LHX3: variants seen among roughly 807,000 people sequenced by gnomAD.
LHX3 encodes LIM homeobox 3.
A neutral mutation model predicts 32.4 loss-of-function variants in LHX3; 21 were observed. That is an observed-to-expected ratio of 0.65 (90% CI 0.46 to 0.93). The LOEUF is 0.93. Ranked by LOEUF, LHX3 falls within the 40% of genes least tolerant of loss-of-function variation. The pLI, the probability that LHX3 is intolerant of heterozygous loss-of-function variation, is 0.00. For synonymous variants in LHX3, 258 were observed against 246.8 expected (o/e 1.05, Z -0.43); for missense variants, 626 against 560.0 (o/e 1.12, Z -1.19).
Position 136,197,427 on chromosome 9 carries a change from G to A in LHX3, c.1092C>T (p.Asn364=), listed in dbSNP as rs886063702. ...GPPPMRVLAG[N]GPSSDLSTGS... ...CCGTGGATAGGTCAGAACTGGGTCC[G>A]TTCCCTGCCAGCACCCTCATGGGTG... The change falls in exon 6 of 6, where the codon AAC becomes AAT. Residue 364 remains asparagine (N), a synonymous_variant. Coordinates refer to ENST00000371748, the MANE Select transcript of LHX3 (RefSeq NM_178138.6). 1.0e-5 allele frequency: 16 copies of A among 1,599,248 alleles called. No individual in the cohort carries two copies. The highest frequency in any genetic ancestry group is 2.2e-5 in the South Asian group (2 of 88,976).
rs1029643306 is a variant in LHX3, at chr9:136,198,898, G to A, written c.606+10C>T. 1 of 1,588,476 alleles carries A rather than the reference G, an allele frequency of 6.3e-7. No homozygotes were observed. The highest frequency in any genetic ancestry group is 8.5e-7 in the Non-Finnish European group (1 of 1,172,038). On this transcript the variant is annotated intron_variant, in intron 4 of 5. Transcript: ENST00000371748. ...CCGCGGGCGGGAGGGAAGCAGGGGCGAGCGCTGACCTGCACCACGCGCATG... is the reference window on the plus strand; with the variant it reads ...CCGCGGGCGGGAGGGAAGCAGGGGCAAGCGCTGACCTGCACCACGCGCATG...
In LHX3 at chr9:136,199,600, C is replaced by G. The variant is rs1011822244; in HGVS notation, c.454+78G>C. ...TGAGCGCTTGGGGAGAGAATTTCCCCGGACGCCCCCCTGGGCGTGGCCTCA... is the reference window on the plus strand; with the variant it reads ...TGAGCGCTTGGGGAGAGAATTTCCCGGGACGCCCCCCTGGGCGTGGCCTCA... On this transcript the variant is annotated intron_variant, in intron 3 of 5. Coordinates refer to ENST00000371748, the MANE Select transcript of LHX3 (RefSeq NM_178138.6). The G allele has an allele frequency of 1.4e-5, 21 of 1,483,420 alleles. No individual in the cohort carries two copies. In the African/African-American group the frequency reaches 2.3e-4, roughly 17 times the overall value. The allele number at this position is 1,483,420 out of a possible 1,614,324, so 91.9% of individuals were successfully genotyped here.
At chr9:136,204,836 G>A in intron 1 of LHX3, 98 bp downstream of exon 1, 1 of 978,186 alleles carries the variant, frequency 1.0e-6, no homozygotes, top group South Asian at 1.4e-5. Context: ...CAGAGCGGCG[G>A]GACTTTCTTT....
chr9:136,199,137 C>G (rs1171927084), intron 3 of LHX3, 78 bp from the exon 4 acceptor site: 1 of 842,712 alleles, frequency 1.2e-6, no homozygotes, highest in Non-Finnish European at 1.6e-6. Flanking sequence ...CCCCGGCCGG[C>G]GCGGGGACGT....
Position 136,205,080 on chromosome 9 carries a change from G to A in LHX3, c.-68C>T. The A allele has an allele frequency of 7.4e-7, 1 of 1,348,710 alleles. No homozygotes were observed. Among genetic ancestry groups the A allele is most frequent in the Non-Finnish European group, 1.0e-6 (1 of 988,570 alleles). 83.5% of individuals were successfully genotyped at this position (1,348,710 alleles called of 1,614,324 possible). ...GTCAGCGTCCCCTGGAGGGTTCGGG[G>A]CTCCCAAGTCCCGCCGCGTCGTGCG... On this transcript the variant is annotated 5_prime_UTR_variant, in exon 1 of 6. Coordinates refer to ENST00000371748, the MANE Select transcript of LHX3 (RefSeq NM_178138.6).
Position 136,205,067 on chromosome 9 carries a change from T to A in LHX3, c.-55A>T. 1 of 1,461,070 alleles carries A rather than the reference T, an allele frequency of 6.8e-7. No individual in the cohort carries two copies. The highest frequency in any genetic ancestry group is 9.3e-7 in the Non-Finnish European group (1 of 1,080,910). 90.5% of individuals were successfully genotyped at this position (1,461,070 alleles called of 1,614,324 possible). A position where few individuals can be genotyped will look rare whatever the true frequency, so the allele number is the denominator to read the frequency against. The stretch of plus-strand genomic sequence containing the variant: ...GCGCTCCTCCTAGGTCAGCGTCCCC[T>A]GGAGGGTTCGGGGCTCCCAAGTCCC... On this transcript the variant is annotated 5_prime_UTR_variant, in exon 1 of 6. Transcript: ENST00000371748.
At chr9:136,197,872 A>AGC in intron 5 of LHX3, 129 bp from the exon 6 acceptor site, 1 of 975,194 alleles carries the variant, frequency 1.0e-6, no homozygotes, top group Non-Finnish European at 1.6e-6. Context: ...GACAGGTCAT[A>AGC]ACAGGCCCCT....
intron 1 of LHX3, among the ~76,000 whole-genome samples, chr9:136,202,214 A>C (rs980183644): frequency 6.6e-6 from 1 of 151,918 alleles, no homozygotes; most frequent in African/African-American, 2.4e-5. Flanking sequence ...AAATAAATAA[A>C]TAAGTAGGGA....
Position 136,204,948 on chromosome 9 carries a change from AAGGTGC to A in LHX3, c.59_64del (p.Cys20_Thr21del). The A allele has an allele frequency of 6.2e-7, 1 of 1,602,332 alleles. No individual in the cohort carries two copies. Among genetic ancestry groups the A allele is most frequent in the South Asian group, 1.1e-5 (1 of 89,654 alleles). On this transcript the variant is annotated inframe_deletion, in exon 1 of 6. Coordinates refer to ENST00000371748, the MANE Select transcript of LHX3 (RefSeq NM_178138.6). ...CTGGGGCTTACCCCGAGTCCCGCCC[AAGGTGC>A]AGACGGCGGCGGCCCCGGGCCTCGC...
Position 136,199,098 on chromosome 9 carries a change from C to T in LHX3, c.455-39G>A, listed in dbSNP as rs765065270. The T allele has an allele frequency of 7.2e-6, 9 of 1,258,720 alleles. No homozygotes were observed. The South Asian group carries it at 1.2e-4, about 17-fold the overall frequency. 78.0% of individuals were successfully genotyped at this position (1,258,720 alleles called of 1,614,324 possible). On this transcript the variant is annotated intron_variant, in intron 3 of 5. Transcript: ENST00000371748. ...GAGCGGTGAGGCGCGGCAGCCCCTC[C>T]GGCCCCGGCCGGACCCCCAGCCCTC...
At chr9:136,201,181 C>G (rs1308248731) in intron 1 of LHX3, 1 of 1,357,340 alleles carries the variant, frequency 7.4e-7, no homozygotes, top group African/African-American at 1.5e-5. Flanking sequence ...CTGGGGCACC[C>G]CATCGGGTCT....
chr9:136,197,375 G>T lies in LHX3; in HGVS notation c.1144C>A (p.Pro382Thr). Residue 382 changes from proline to threonine, a missense_variant, in exon 6 of 6, where the codon CCT becomes ACT. Physicochemically the swap from Pro to Thr is conservative, Grantham distance 38. Transcript: ENST00000371748. ...TCCAGCCAGGAGGCGGGGCTGGCAG[G>T]GAAGTCGGGGTAACCCCCGCTGCTC... ...TGSSGGYPDF[P>T]ASPASWLDEV... 6.2e-7 allele frequency: 1 copy of T among 1,611,982 alleles called. No homozygotes were observed. The highest frequency in any genetic ancestry group is 2.2e-5 in the East Asian group (1 of 44,866).
At chr9:136,199,104 C>T (rs1480118244) in intron 3 of LHX3, 45 bp from the exon 4 acceptor site, 5 of 1,216,960 alleles carry the variant, frequency 4.1e-6, no homozygotes, top group Non-Finnish European at 4.2e-6. Flanking sequence ...CCTCCGGCCC[C>T]GGCCGGACCC....
chr9:136,199,919 G>A (rs1007821507), intron 2 of LHX3, 39 bp from the exon 3 acceptor site: 2 of 1,545,848 alleles, frequency 1.3e-6, no homozygotes, highest in African/African-American at 1.4e-5. Flanking sequence ...GCGGAAGCGC[G>A]AGGCTCATTT....
At chr9:136,204,707 T>C (rs1199563981) in intron 1 of LHX3, among the ~76,000 whole-genome samples, 3 of 152,132 alleles carry the variant, frequency 2.0e-5, no homozygotes, top group South Asian at 2.1e-4. Context: ...CCCCTTTTTT[T>C]CTAGGGGCCT....
Position 136,205,110 on chromosome 9 carries a change from A to G in LHX3, c.-98T>C. 2.8e-6 allele frequency: 3 copies of G among 1,066,200 alleles called. No individual in the cohort carries two copies. Among genetic ancestry groups the G allele is most frequent in the Non-Finnish European group, 3.9e-6 (3 of 764,450 alleles). 66.0% of individuals were successfully genotyped at this position (1,066,200 alleles called of 1,614,324 possible). A position where few individuals can be genotyped will look rare whatever the true frequency, so the allele number is the denominator to read the frequency against. Reference sequence around the variant, plus strand: ...CAAGTCCCGCCGCGTCGTGCGGGGCAGGGAGCCCGGGAGCCACTGGGCCTG... The same window carrying G: ...CAAGTCCCGCCGCGTCGTGCGGGGCGGGGAGCCCGGGAGCCACTGGGCCTG... On this transcript the variant is annotated 5_prime_UTR_variant, in exon 1 of 6. Transcript: ENST00000371748.
rs775082501 is a variant in LHX3, at chr9:136,198,671, G to A, written c.756C>T (p.Asp252=). ...KDSVQEGQDS[D]AEVSFPDEPS... is the part of the protein sequence containing the mutation. ...GCCTACCGGGGAAGGAGACCTCAGC[G>A]TCGCTGTCCTGCCCCTCCTGAACGC... Residue 252 remains aspartate, a synonymous_variant, in exon 5 of 6, where the codon GAC becomes GAT. Transcript: ENST00000371748. 6.2e-7 allele frequency: 1 copy of A among 1,605,198 alleles called. No individual in the cohort carries two copies. Among genetic ancestry groups the A allele is most frequent in the Non-Finnish European group, 8.5e-7 (1 of 1,177,460 alleles).
intron 2 of LHX3, chr9:136,200,289 A>G (rs1173499342): frequency 1.8e-6 from 1 of 550,968 alleles, no homozygotes; most frequent in African/African-American, 1.9e-5. Flanking sequence ...TCCTACAAAT[A>G]GGGGTGTATC....
At chr9:136,201,429 C>T (rs1189113746) in intron 1 of LHX3, 6 of 1,225,756 alleles carry the variant, frequency 4.9e-6, no homozygotes, top group South Asian at 8.4e-5. Flanking sequence ...GCTGCTTCTG[C>T]CCCCCACACC....
Sources: allele counts gnomAD v4.1 joint callset (sites outside exome capture counted in the v4.1 genomes callset), GRCh38; gene constraint gnomAD v4.1.1; transcripts MANE v1.5; gene names NCBI Gene and HGNC (gene_info 2026-07-23, HGNC 2026-07-21).